ANO6: variants seen among roughly 807,000 people sequenced by gnomAD.
ANO6 encodes anoctamin 6.
ANO6 carries 106 observed loss-of-function variants against 117.5 expected under a neutral mutation model. The observed-to-expected ratio is 0.90, with a 90% CI of 0.77 to 1.06. The LOEUF is 1.06. Among genes scored for constraint, ANO6 ranks in the 50% least tolerant of loss-of-function variants. The pLI, the probability that ANO6 is intolerant of heterozygous loss-of-function variation, is 0.00. For missense variants in ANO6, 955 were observed against 1,121.1 expected, an observed-to-expected ratio of 0.85 and a Z score of 2.12; for synonymous variants, 367 against 385.1, an observed-to-expected ratio of 0.95 and a Z score of 0.55.
chr12:45,276,257 G>A (rs1392274422), intron 1 of ANO6, among the ~76,000 whole-genome samples: 6 of 151,996 alleles, frequency 3.9e-5, no homozygotes, highest in Admixed American at 1.3e-4. Context: ...GGCCAGCTTC[G>A]TCACCTGGAC....
chr12:45,229,638 T>C (rs547833428), intron 1 of ANO6, among the ~76,000 whole-genome samples: 1 of 152,312 alleles, frequency 6.6e-6, no homozygotes, highest in African/African-American at 2.4e-5. Flanking sequence ...TCCGCCTGCC[T>C]TGGCCTCCCA....
intron 8 of ANO6, among the ~76,000 whole-genome samples, chr12:45,358,752 A>G (rs936355500): frequency 3.3e-5 from 5 of 151,594 alleles, no homozygotes; most frequent in Admixed American, 6.6e-5. Flanking sequence ...TATAGTTTCT[A>G]TCAAATACCT....
At chr12:45,395,386 A>T (rs1942581860) in intron 12 of ANO6, among the ~76,000 whole-genome samples, 1 of 152,226 alleles carries the variant, frequency 6.6e-6, no homozygotes, top group South Asian at 2.1e-4. Flanking sequence ...GACCAGAAGG[A>T]TTCACAGCCA....
chr12:45,420,834 G>A (rs1051355587), intron 17 of ANO6, among the ~76,000 whole-genome samples: 3 of 151,812 alleles, frequency 2.0e-5, no homozygotes, highest in Admixed American at 6.5e-5. Flanking sequence ...AGACCAGCCT[G>A]GCCAACATGA....
At chr12:45,221,559 G>A (rs1947399401) in intron 1 of ANO6, among the ~76,000 whole-genome samples, 1 of 152,186 alleles carries the variant, frequency 6.6e-6, no homozygotes, top group African/African-American at 2.4e-5. Context: ...TTAATGAAAA[G>A]AGTGATAGGA....
intron 2 of ANO6, among the ~76,000 whole-genome samples, chr12:45,305,865 C>T (rs1046534430): frequency 3.3e-5 from 5 of 151,856 alleles, no homozygotes; most frequent in South Asian, 2.1e-4. Context: ...GCAGTCATGG[C>T]GGGCCCATTA....
intron 1 of ANO6, among the ~76,000 whole-genome samples, chr12:45,272,398 A>T (rs1420271842): frequency 6.6e-6 from 1 of 152,212 alleles, no homozygotes; most frequent in Admixed American, 6.5e-5. Context: ...TCAAACTTTT[A>T]TAACTACCCT....
chr12:45,428,587 AAGAC>A (rs1233451377), intron 19 of ANO6, among the ~76,000 whole-genome samples: 1 of 152,234 alleles, frequency 6.6e-6, no homozygotes, highest in Non-Finnish European at 1.5e-5. Flanking sequence ...ATCCAAAAGA[AAGAC>A]AGCAATTTCC....
At chr12:45,358,330 G>A (rs1941466082) in intron 8 of ANO6, among the ~76,000 whole-genome samples, 1 of 152,162 alleles carries the variant, frequency 6.6e-6, no homozygotes, top group African/African-American at 2.4e-5. Context: ...ACCCATTATG[G>A]CTTCTTAGCT....
intron 1 of ANO6, among the ~76,000 whole-genome samples, chr12:45,266,850 T>C (rs1043958079): frequency 1.1e-4 from 16 of 143,116 alleles, no homozygotes; most frequent in African/African-American, 4.4e-4. Flanking sequence ...GTGTATAATA[T>C]GGCTCTAGTT....
At chr12:45,362,419 T>C (rs1329108513) in intron 8 of ANO6, among the ~76,000 whole-genome samples, 1 of 152,130 alleles carries the variant, frequency 6.6e-6, no homozygotes, top group African/African-American at 2.4e-5. Context: ...AATTTTGTTA[T>C]CTTTTCAAAG....
At chr12:45,403,323 A>G in intron 14 of ANO6, 82 bp downstream of exon 14, 1 of 1,549,550 alleles carries the variant, frequency 6.5e-7, no homozygotes, top group Non-Finnish European at 8.9e-7. Flanking sequence ...TTTTATTGTA[A>G]ATTCCTTAGA....
At chr12:45,357,709 A>T (rs1480890975) in intron 8 of ANO6, among the ~76,000 whole-genome samples, 1 of 152,178 alleles carries the variant, frequency 6.6e-6, no homozygotes, top group Non-Finnish European at 1.5e-5. Context: ...AGGCGGGAGG[A>T]TTGCCCTTGA....
At chr12:45,362,481 T>C (rs1359714391) in intron 8 of ANO6, among the ~76,000 whole-genome samples, 3 of 152,114 alleles carry the variant, frequency 2.0e-5, no homozygotes, top group Non-Finnish European at 4.4e-5. Context: ...CTGTATTTCA[T>C]TTATTTCCAC....
At chr12:45,386,479 AGCATCCTTCTGTCATACCT>A (rs11273239) in intron 10 of ANO6, among the ~76,000 whole-genome samples, 8,176 of 152,076 alleles carry the variant, frequency 0.054, 452 homozygotes, top group East Asian at 0.32. Flanking sequence ...AAACCTGGCT[AGCATCCTTCTGTCATACCT>A]GCATCCATCT....
intron 1 of ANO6, among the ~76,000 whole-genome samples, chr12:45,279,484 TTAAA>T (rs1472589125): frequency 5.3e-5 from 8 of 152,244 alleles, no homozygotes; most frequent in African/African-American, 1.9e-4. Context: ...TCTTCCATCT[TTAAA>T]TAAAGTTTCA....
At chr12:45,325,480 T>C (rs959131751) in intron 2 of ANO6, among the ~76,000 whole-genome samples, 1 of 152,200 alleles carries the variant, frequency 6.6e-6, no homozygotes, top group African/African-American at 2.4e-5. Context: ...AAATGTCCTT[T>C]TTTACCACCT....
chr12:45,220,570 AAATG>A (rs1947381010), intron 1 of ANO6, among the ~76,000 whole-genome samples: 2 of 152,220 alleles, frequency 1.3e-5, no homozygotes, highest in Admixed American at 1.3e-4. Context: ...GGGAGACTGA[AAATG>A]AGTAAGACAT....
intron 2 of ANO6, among the ~76,000 whole-genome samples, chr12:45,324,331 TA>T (rs569527654): frequency 3.3e-5 from 5 of 152,328 alleles, no homozygotes; most frequent in Non-Finnish European, 7.3e-5. Flanking sequence ...GCCATTCTTG[TA>T]AACTGCTTTT....
Sources: gnomAD v4.1 joint callset for allele counts (sites outside exome capture counted in the v4.1 genomes callset) on GRCh38, gnomAD v4.1.1 for gene constraint, MANE v1.5 for transcripts, NCBI Gene and HGNC (gene_info 2026-07-23, HGNC 2026-07-21) for gene names.